ROBO1: variants seen among roughly 807,000 people sequenced by gnomAD.
ROBO1 encodes the protein roundabout homolog 1.
ROBO1 carries 149 observed loss-of-function variants against 195.9 expected under a neutral mutation model. That is an observed-to-expected ratio of 0.76 (90% confidence interval 0.67 to 0.87). The LOEUF is 0.87. ROBO1 is among the 40% of genes least tolerant of loss of function. ROBO1 has a pLI of 0.00. For synonymous variants in ROBO1, 816 were observed against 733.2 expected (o/e 1.11, Z -1.82); for missense variants, 1,933 against 2,068.3 (o/e 0.93, Z 1.27).
intron 4 of ROBO1, among the ~76,000 whole-genome samples, chr3:78,808,563 A>T (rs1373860386): frequency 3.9e-5 from 6 of 152,176 alleles, no homozygotes; most frequent in African/African-American, 1.4e-4. Context: ...AAAATGACGG[A>T]TAAAAATAAA....
chr3:79,190,718 T>C (rs1377770603), intron 2 of ROBO1, among the ~76,000 whole-genome samples: 1 of 151,658 alleles, frequency 6.6e-6, no homozygotes, highest in Non-Finnish European at 1.5e-5. Context: ...TACTATATTA[T>C]ATGAATACAT....
chr3:78,809,197 T>C lies in ROBO1; in HGVS notation c.500-62297A>G, dbSNP rs529610943. 2.6e-5 allele frequency among the ~76,000 whole-genome samples: 4 copies of C among 151,432 alleles called. No individual in the cohort carries two copies. The South Asian group carries it at 8.3e-4, about 32-fold the overall frequency. ...GTGGGCAAAGGATATAAACAGACAC[T>C]TTTCAAAAGAAGATATTTATGTGAC... On this transcript the variant is annotated intron_variant, in intron 4 of 30. Transcript: ENST00000464233.
intron 2 of ROBO1, among the ~76,000 whole-genome samples, chr3:79,507,671 T>C (rs1940474847): frequency 6.6e-6 from 1 of 152,214 alleles, no homozygotes; most frequent in Non-Finnish European, 1.5e-5. Flanking sequence ...CATGGGTGTG[T>C]TTCTGTGGTA....
At chr3:78,825,950 G>A (rs1461666700) in intron 4 of ROBO1, among the ~76,000 whole-genome samples, 1 of 152,118 alleles carries the variant, frequency 6.6e-6, no homozygotes, top group East Asian at 1.9e-4. Flanking sequence ...GTTACTACTG[G>A]AAGAAAACAT....
At chr3:79,577,944 A>G (rs1270146652) in intron 2 of ROBO1, among the ~76,000 whole-genome samples, 1 of 151,864 alleles carries the variant, frequency 6.6e-6, no homozygotes, top group African/African-American at 2.4e-5. Context: ...AAAAACCCAA[A>G]AAACAAAAAA....
In ROBO1 at chr3:79,693,383, TTGTGTGTGTGTGTGTGTG is replaced by T. The variant is rs55667736; in HGVS notation, c.-51+74351_-51+74368del. Among the ~76,000 whole-genome samples, 876 of 145,232 alleles carry T rather than the reference TTGTGTGTGTGTGTGTGTG, an allele frequency of 6.0e-3. 14 individuals carry two copies. The highest frequency in any genetic ancestry group is 0.019 in the African/African-American group (739 of 38,802). ...AAAATACACATCAATATATAGAGAT[TTGTGTGTGTGTGTGTGTG>T]TGTGTGTGTGTGTGTGTGTGTCCTT... is the stretch of plus-strand genomic sequence containing the variant. On this transcript the variant is annotated intron_variant, in intron 1 of 30. Transcript: ENST00000464233.
intron 4 of ROBO1, among the ~76,000 whole-genome samples, chr3:78,889,892 G>A (rs896683922): frequency 1.3e-5 from 2 of 151,890 alleles, no homozygotes; most frequent in South Asian, 2.1e-4. Flanking sequence ...AATACTCGCC[G>A]TTGCTCTTCC....
intron 1 of ROBO1, among the ~76,000 whole-genome samples, chr3:79,716,366 G>A (rs540916651): frequency 1.3e-5 from 2 of 151,826 alleles, no homozygotes; most frequent in Non-Finnish European, 2.9e-5. Context: ...AATAATTTGG[G>A]CATGTGATAT....
chr3:79,005,242 T>A (rs1295109401), intron 3 of ROBO1, among the ~76,000 whole-genome samples: 1 of 152,184 alleles, frequency 6.6e-6, no homozygotes, highest in Non-Finnish European at 1.5e-5. Flanking sequence ...GCCTTGACCT[T>A]CTCCCACTCA....
chr3:79,657,196 G>A (rs1416887278), intron 1 of ROBO1, among the ~76,000 whole-genome samples: 1 of 151,910 alleles, frequency 6.6e-6, no homozygotes, highest in African/African-American at 2.4e-5. Context: ...ATGCAATAGG[G>A]GCACTTCCCA....
At chr3:78,674,091 T>A (rs1357881488) in intron 10 of ROBO1, among the ~76,000 whole-genome samples, 1 of 152,154 alleles carries the variant, frequency 6.6e-6, no homozygotes, top group African/African-American at 2.4e-5. Flanking sequence ...TGAATACGAA[T>A]GATTTTAAAT....
At chr3:79,289,585 G>T (rs72898019) in intron 2 of ROBO1, among the ~76,000 whole-genome samples, 5,431 of 152,212 alleles carry the variant, frequency 0.036, 334 homozygotes, top group African/African-American at 0.12. Flanking sequence ...GCTTGGGCTT[G>T]ATCTGGGTGT....
At chr3:78,719,231 G>A (rs544482149) in intron 5 of ROBO1, among the ~76,000 whole-genome samples, 5 of 152,098 alleles carry the variant, frequency 3.3e-5, no homozygotes, top group South Asian at 2.1e-4. Flanking sequence ...ACGCCTGCAC[G>A]CAGTAGTCAC....
intron 8 of ROBO1, among the ~76,000 whole-genome samples, chr3:78,697,795 T>G (rs1487000578): frequency 6.6e-6 from 1 of 152,140 alleles, no homozygotes; most frequent in Non-Finnish European, 1.5e-5. Context: ...GACAGAAGAT[T>G]GCTACAGTAT....
intron 3 of ROBO1, among the ~76,000 whole-genome samples, chr3:79,054,674 A>G (rs1423944455): frequency 6.6e-6 from 1 of 152,120 alleles, no homozygotes; most frequent in Non-Finnish European, 1.5e-5. Context: ...AAAGCGGCCA[A>G]GCTGGCTCAG....
At chr3:79,429,390 G>T (rs1457214948) in intron 2 of ROBO1, among the ~76,000 whole-genome samples, 1 of 151,956 alleles carries the variant, frequency 6.6e-6, no homozygotes, top group Non-Finnish European at 1.5e-5. Context: ...CAAGATCCAG[G>T]GTCCACAAGT....
chr3:79,432,114 T>C (rs1426747108), intron 2 of ROBO1, among the ~76,000 whole-genome samples: 2 of 152,126 alleles, frequency 1.3e-5, no homozygotes, highest in Non-Finnish European at 2.9e-5. Flanking sequence ...TTTTGTTTTT[T>C]AGATTTAGCG....
chr3:79,481,670 C>T (rs562881180), intron 2 of ROBO1, among the ~76,000 whole-genome samples: 2 of 152,200 alleles, frequency 1.3e-5, no homozygotes, highest in South Asian at 4.1e-4. Flanking sequence ...TTTTTAGTGC[C>T]AACATTGATC....
chr3:78,859,016 C>T (rs2034628327), intron 4 of ROBO1, among the ~76,000 whole-genome samples: 1 of 152,120 alleles, frequency 6.6e-6, no homozygotes, highest in Non-Finnish European at 1.5e-5. Flanking sequence ...GCGTAAATCA[C>T]TCATTAATTC....
Sources: allele counts gnomAD v4.1 joint callset (sites outside exome capture counted in the v4.1 genomes callset), GRCh38; gene constraint gnomAD v4.1.1; transcripts MANE v1.5; gene names NCBI Gene and HGNC (gene_info 2026-07-23, HGNC 2026-07-21).